The following RBFOX1 variants were observed in gnomAD, a reference collection of about 807,000 sequenced individuals.
RBFOX1 encodes the protein RNA binding protein fox-1 homolog 1.
In RBFOX1, 8 loss-of-function variants were observed where a neutral mutation model predicts 57.7. That is an observed-to-expected ratio of 0.14 (90% CI 0.08 to 0.25). The LOEUF (loss-of-function observed/expected upper bound fraction) is 0.25. Among genes scored for constraint, RBFOX1 ranks in the 10% least tolerant of loss-of-function variants. The pLI, the probability that RBFOX1 is intolerant of heterozygous loss-of-function variation, is 1.00. For missense variants in RBFOX1, 611 were observed against 548.5 expected, an observed-to-expected ratio of 1.11 and a Z score of -1.14; for synonymous variants, 326 against 222.4, an observed-to-expected ratio of 1.47 and a Z score of -4.15.
At chr16:6,405,341 C>T (rs1228294928) in intron 2 of RBFOX1, among the ~76,000 whole-genome samples, 1 of 152,120 alleles carries the variant, frequency 6.6e-6, no homozygotes, top group East Asian at 1.9e-4. Context: ...CAAGTTGGCT[C>T]CTGAATCTCA....
At chr16:7,514,715 G>C (rs529153256) in intron 4 of RBFOX1, among the ~76,000 whole-genome samples, 1 of 152,298 alleles carries the variant, frequency 6.6e-6, no homozygotes, top group East Asian at 1.9e-4. Context: ...ATGGGGTTGA[G>C]AGGATGGAGC....
chr16:7,499,281 T>A (rs972419669), intron 4 of RBFOX1, among the ~76,000 whole-genome samples: 1 of 152,148 alleles, frequency 6.6e-6, no homozygotes. Context: ...CACCCATTCA[T>A]CTTCAGATGG....
intron 4 of RBFOX1, among the ~76,000 whole-genome samples, chr16:7,483,963 A>G (rs543449540): frequency 1.3e-5 from 2 of 152,292 alleles, no homozygotes; most frequent in South Asian, 4.1e-4. Context: ...CAGTTCCTTG[A>G]CCTTAAGTTT....
At chr16:6,426,691 C>A (rs2093938924) in intron 2 of RBFOX1, among the ~76,000 whole-genome samples, 2 of 152,158 alleles carry the variant, frequency 1.3e-5, no homozygotes, top group African/African-American at 2.4e-5. Flanking sequence ...GGCAGAGAGG[C>A]CCCTATACCC....
At chr16:7,024,022 A>T (rs2040141570) in intron 3 of RBFOX1, among the ~76,000 whole-genome samples, 1 of 150,342 alleles carries the variant, frequency 6.7e-6, no homozygotes, top group African/African-American at 2.5e-5. Context: ...TGATAACCGT[A>T]TGTTGAAAAA....
chr16:6,926,543 A>C (rs2075621444), intron 3 of RBFOX1, among the ~76,000 whole-genome samples: 1 of 152,180 alleles, frequency 6.6e-6, no homozygotes, highest in Admixed American at 6.5e-5. Context: ...GCTTTCTGGA[A>C]AATTGCAGGG....
chr16:5,915,594 G>A (rs2058687817), intron 4 of RBFOX1, among the ~76,000 whole-genome samples: 2 of 152,142 alleles, frequency 1.3e-5, no homozygotes, highest in African/African-American at 2.4e-5. Flanking sequence ...CACTTTGGGA[G>A]GTCAAGGTGG....
At chr16:6,797,638 A>G (rs2084392794) in intron 3 of RBFOX1, among the ~76,000 whole-genome samples, 1 of 152,118 alleles carries the variant, frequency 6.6e-6, no homozygotes, top group Non-Finnish European at 1.5e-5. Context: ...TGGGCACTGT[A>G]TCTGTTCTCC....
At chr16:6,068,257 A>C (rs918406821) in intron 1 of RBFOX1, among the ~76,000 whole-genome samples, 3 of 152,204 alleles carry the variant, frequency 2.0e-5, no homozygotes, top group Non-Finnish European at 4.4e-5. Context: ...CGTCTTCAGC[A>C]GACTTCAGCC....
intron 3 of RBFOX1, among the ~76,000 whole-genome samples, chr16:5,688,270 A>G (rs2050563957): frequency 6.6e-6 from 1 of 152,220 alleles, no homozygotes; most frequent in East Asian, 1.9e-4. Flanking sequence ...GTTTGGCATG[A>G]CAATTTATTT....
At chr16:6,873,083 A>G (rs2061229266) in intron 3 of RBFOX1, among the ~76,000 whole-genome samples, 1 of 151,674 alleles carries the variant, frequency 6.6e-6, no homozygotes, top group South Asian at 2.1e-4. Context: ...CTTCTGAAAT[A>G]TGTACCTTGT....
chr16:6,932,602 G>C lies in RBFOX1; in HGVS notation c.-15-119455G>C, dbSNP rs187988917. On this transcript the variant is annotated intron_variant, in intron 3 of 15. Coordinates refer to ENST00000550418, the MANE Select transcript of RBFOX1 (RefSeq NM_018723.4). ...CGTAGGCCTCACTTCCTCATCCCAC[G>C]GGCCTGTCCACAGGCTGCCCAAACA... is the stretch of plus-strand genomic sequence containing the variant. Among the ~76,000 whole-genome samples the C allele has an allele frequency of 4.9e-4, 74 of 152,184 alleles. 1 individual carries two copies. Among genetic ancestry groups the C allele is most frequent in the African/African-American group, 1.6e-3 (68 of 41,530 alleles).
intron 3 of RBFOX1, among the ~76,000 whole-genome samples, chr16:5,621,815 T>C (rs940363938): frequency 3.9e-5 from 6 of 152,126 alleles, no homozygotes; most frequent in African/African-American, 1.2e-4. Flanking sequence ...TTGGTGCAAA[T>C]GTGTATCTAT....
intron 4 of RBFOX1, among the ~76,000 whole-genome samples, chr16:5,898,936 G>T (rs945641001): frequency 2.5e-4 from 37 of 150,860 alleles, no homozygotes; most frequent in African/African-American, 8.8e-4. Context: ...GGTGTCATTT[G>T]CCTGTGGTCC....
chr16:5,543,537 C>G (rs2045056165), intron 2 of RBFOX1, among the ~76,000 whole-genome samples: 1 of 152,136 alleles, frequency 6.6e-6, no homozygotes, highest in Non-Finnish European at 1.5e-5. Flanking sequence ...CATTAGTAAT[C>G]TCTGGAACAA....
At chr16:6,491,817 C>G (rs1167814558) in intron 2 of RBFOX1, among the ~76,000 whole-genome samples, 1 of 152,160 alleles carries the variant, frequency 6.6e-6, no homozygotes, top group Non-Finnish European at 1.5e-5. Context: ...GTCCCTTTCC[C>G]CGTTTTTTTG....
intron 1 of RBFOX1, among the ~76,000 whole-genome samples, chr16:5,406,865 G>T (rs902290361): frequency 2.0e-5 from 3 of 152,222 alleles, no homozygotes; most frequent in Non-Finnish European, 1.5e-5. Context: ...CCAGCGTGAA[G>T]AGTGCTGTGC....
intron 11 of RBFOX1, among the ~76,000 whole-genome samples, chr16:7,640,440 C>T (rs1279420329): frequency 6.6e-6 from 1 of 152,178 alleles, no homozygotes; most frequent in African/African-American, 2.4e-5. Context: ...AACTACCATC[C>T]CATGGTGTGC....
At position 6,535,479 on chromosome 16, in the gene RBFOX1, A is replaced by G. The variant is rs147199270; in HGVS notation, c.-63-119124A>G. On this transcript the variant is annotated intron_variant, in intron 2 of 15. Transcript: ENST00000550418. The stretch of plus-strand genomic sequence containing the variant: ...TACCACCCAACATCCTAAAACCATC[A>G]GCTTAGTGTTTTCACTCCCATTCCC... Among the ~76,000 whole-genome samples the G allele has an allele frequency of 2.7e-4, 41 of 152,294 alleles. No individual in the cohort carries two copies. The East Asian group carries it at 7.7e-3, about 29-fold the overall frequency.
Sources: gnomAD v4.1 joint callset for allele counts (sites outside exome capture counted in the v4.1 genomes callset) on GRCh38, gnomAD v4.1.1 for gene constraint, MANE v1.5 for transcripts, NCBI Gene and HGNC (gene_info 2026-07-23, HGNC 2026-07-21) for gene names.